The following SYT9 variants were observed in gnomAD, a reference collection of about 807,000 sequenced individuals.
The protein encoded by SYT9 is synaptotagmin-9.
A neutral mutation model predicts 48.4 loss-of-function variants in SYT9; 22 were observed. That is an observed-to-expected ratio of 0.45 (90% confidence interval 0.32 to 0.65). The LOEUF is 0.65. SYT9 is among the 30% of genes least tolerant of loss of function. SYT9 has a pLI of 0.03. For synonymous variants in SYT9, 265 were observed against 245.0 expected (o/e 1.08, Z -0.76); for missense variants, 577 against 622.0 (o/e 0.93, Z 0.77).
intron 3 of SYT9, among the ~76,000 whole-genome samples, chr11:7,403,551 CA>C (rs1244707746): frequency 1.4e-5 from 2 of 139,210 alleles, no homozygotes; most frequent in Non-Finnish European, 3.1e-5. Context: ...GACCTTGTCT[CA>C]AAATAAATAA....
Position 7,468,447 on chromosome 11 carries a change from T to C in SYT9, c.*1647T>C, listed in dbSNP as rs970599227. 5 of 396,984 alleles carry C rather than the reference T, an allele frequency of 1.3e-5. No homozygotes were observed. Among genetic ancestry groups the C allele is most frequent in the Non-Finnish European group, 2.2e-5 (5 of 225,382 alleles). 24.6% of individuals were successfully genotyped at this position (396,984 alleles called of 1,614,324 possible). On this transcript the variant is annotated 3_prime_UTR_variant, in exon 7 of 7. Transcript: ENST00000318881. The stretch of plus-strand genomic sequence containing the variant: ...CAAAGAGAATCCAAGGTTCTGCCTA[T>C]GTCTGATGACATAAGGAAAACTTGG...
intron 3 of SYT9, among the ~76,000 whole-genome samples, chr11:7,339,343 C>G (rs970899193): frequency 6.6e-6 from 1 of 152,098 alleles, no homozygotes; most frequent in African/African-American, 2.4e-5. Flanking sequence ...GGCACGTAAT[C>G]CATTTACATT....
chr11:7,446,731 G>A (rs756337723), intron 6 of SYT9, among the ~76,000 whole-genome samples: 43 of 152,220 alleles, frequency 2.8e-4, no homozygotes, highest in Non-Finnish European at 4.4e-4. Context: ...TCCAGAGGCG[G>A]AAGACCAATA....
intron 1 of SYT9, among the ~76,000 whole-genome samples, chr11:7,265,892 A>G (rs1221370991): frequency 2.0e-5 from 3 of 152,112 alleles, no homozygotes; most frequent in Admixed American, 1.3e-4. Context: ...AACCCTGTGA[A>G]AACTCTAACT....
chr11:7,446,806 GC>G (rs11316700), intron 6 of SYT9, among the ~76,000 whole-genome samples: 26,519 of 152,162 alleles, frequency 0.17, 2,849 homozygotes, highest in African/African-American at 0.29. Flanking sequence ...TTCCTGCCCT[GC>G]CCTTTCTGTC....
At chr11:7,423,193 C>T (rs941833598) in intron 6 of SYT9, among the ~76,000 whole-genome samples, 5 of 152,108 alleles carry the variant, frequency 3.3e-5, no homozygotes, top group African/African-American at 9.7e-5. Context: ...GCCTCTTCCC[C>T]GTTGCTTCCT....
chr11:7,432,866 C>T (rs1847635459), intron 6 of SYT9, among the ~76,000 whole-genome samples: 1 of 151,702 alleles, frequency 6.6e-6, no homozygotes, highest in Non-Finnish European at 1.5e-5. Context: ...GCTGGAATGA[C>T]CTAAGACTTT....
At chr11:7,279,859 C>T (rs1848462800) in intron 1 of SYT9, among the ~76,000 whole-genome samples, 1 of 152,168 alleles carries the variant, frequency 6.6e-6, no homozygotes, top group South Asian at 2.1e-4. Flanking sequence ...CTGGGTCAAG[C>T]CCAACCCAAA....
At chr11:7,268,627 T>A (rs1035455088) in intron 1 of SYT9, among the ~76,000 whole-genome samples, 5 of 151,952 alleles carry the variant, frequency 3.3e-5, no homozygotes, top group Admixed American at 1.3e-4. Flanking sequence ...GGTTGTTGTT[T>A]TATATATATA....
chr11:7,292,014 C>A (rs1274209563), intron 1 of SYT9, among the ~76,000 whole-genome samples: 1 of 152,020 alleles, frequency 6.6e-6, no homozygotes, highest in African/African-American at 2.4e-5. Context: ...TCCAATCAAT[C>A]AAAAAACTCA....
intron 3 of SYT9, among the ~76,000 whole-genome samples, chr11:7,367,519 A>C (rs1850276610): frequency 6.6e-6 from 1 of 152,090 alleles, no homozygotes; most frequent in Non-Finnish European, 1.5e-5. Flanking sequence ...GAAATATGGC[A>C]TGGTGATTTT....
chr11:7,306,473 C>T (rs532295096), intron 2 of SYT9, among the ~76,000 whole-genome samples: 1 of 152,338 alleles, frequency 6.6e-6, no homozygotes, highest in South Asian at 2.1e-4. Flanking sequence ...CACCATGTTG[C>T]AGAACCCTAG....
chr11:7,460,119 T>G (rs371792202), intron 6 of SYT9, among the ~76,000 whole-genome samples: 3 of 152,338 alleles, frequency 2.0e-5, no homozygotes, highest in African/African-American at 7.2e-5. Context: ...TGGTAAGGAT[T>G]AATAATATAT....
At chr11:7,297,532 T>A (rs1472571085) in intron 1 of SYT9, among the ~76,000 whole-genome samples, 1 of 152,198 alleles carries the variant, frequency 6.6e-6, no homozygotes, top group Non-Finnish European at 1.5e-5. Context: ...TGTGTCTTAG[T>A]TGTATGGTGT....
intron 6 of SYT9, among the ~76,000 whole-genome samples, chr11:7,462,177 T>C (rs1848249011): frequency 6.6e-6 from 1 of 152,244 alleles, no homozygotes; most frequent in Non-Finnish European, 1.5e-5. Context: ...AAAAGCATGG[T>C]GGCAGATTCT....
chr11:7,354,994 T>A (rs146900131), intron 3 of SYT9, among the ~76,000 whole-genome samples: 290 of 152,236 alleles, frequency 1.9e-3, no homozygotes, highest in African/African-American at 6.7e-3. Flanking sequence ...TTAAAAAAAA[T>A]GAATTATGGC....
At chr11:7,423,524 C>T (rs1470481970) in intron 6 of SYT9, among the ~76,000 whole-genome samples, 1 of 152,204 alleles carries the variant, frequency 6.6e-6, no homozygotes, top group African/African-American at 2.4e-5. Flanking sequence ...CAGTGCTTGT[C>T]TCACAAGAGG....
chr11:7,376,257 T>TTCTC (rs986352987), intron 3 of SYT9, among the ~76,000 whole-genome samples: 1 of 151,342 alleles, frequency 6.6e-6, no homozygotes. Context: ...CTGTTTCTCT[T>TTCTC]TCTCTCTCTC....
chr11:7,437,077 C>G (rs1847725409), intron 6 of SYT9, among the ~76,000 whole-genome samples: 1 of 152,182 alleles, frequency 6.6e-6, no homozygotes, highest in South Asian at 2.1e-4. Context: ...AATTAAGATT[C>G]TGGGAAACTG....
Sources: gnomAD v4.1 joint callset for allele counts (sites outside exome capture counted in the v4.1 genomes callset) on GRCh38, gnomAD v4.1.1 for gene constraint, MANE v1.5 for transcripts, NCBI Gene and HGNC (gene_info 2026-07-23, HGNC 2026-07-21) for gene names.